The following C1orf185 variants were observed in gnomAD, a reference collection of about 807,000 sequenced individuals.
C1orf185 encodes chromosome 1 open reading frame 185, also known as uncharacterized protein C1orf185.
C1orf185 carries 13 observed loss-of-function variants against 16.1 expected under a neutral mutation model. The observed-to-expected ratio is 0.81, with a 90% CI of 0.53 to 1.28. C1orf185 has a LOEUF of 1.28. Among genes scored for constraint, C1orf185 ranks in the 50% most tolerant of loss-of-function variants. C1orf185 has a pLI of 0.00. For missense variants in C1orf185, 220 were observed against 225.2 expected (o/e 0.98, Z 0.15); for synonymous variants, 80 against 76.9 (o/e 1.04, Z -0.21).
At chr1:51,125,641 A>G (rs1383709528) in intron 3 of C1orf185, among the ~76,000 whole-genome samples, 2 of 152,178 alleles carry the variant, frequency 1.3e-5, no homozygotes, top group African/African-American at 2.4e-5. Flanking sequence ...ATAGAAACCA[A>G]TACTATGGCA....
chr1:51,118,516 T>A (rs986833445), intron 2 of C1orf185, 150 bp from the exon 3 acceptor site: 1 of 453,186 alleles, frequency 2.2e-6, no homozygotes, highest in African/African-American at 2.0e-5. Context: ...GTAGGGAGTA[T>A]GTAAATTGAC....
chr1:51,137,595 A>C (rs1326867472), intron 3 of C1orf185, among the ~76,000 whole-genome samples: 3 of 152,140 alleles, frequency 2.0e-5, no homozygotes, highest in African/African-American at 7.2e-5. Context: ...ACTCTTACAC[A>C]CTGTTATGGG....
intron 3 of C1orf185, among the ~76,000 whole-genome samples, chr1:51,133,968 G>C (rs188515280): frequency 1.8e-4 from 28 of 152,258 alleles, no homozygotes; most frequent in Admixed American, 2.0e-4. Flanking sequence ...TGTAATCCCA[G>C]CTACTCAGGA....
chr1:51,148,958 A>G (rs1283386970), downstream of C1orf185, among the ~76,000 whole-genome samples: 1 of 152,066 alleles, frequency 6.6e-6, no homozygotes, highest in African/African-American at 2.4e-5. Context: ...AATAATTTTC[A>G]TTTTCCTTTC....
intron 3 of C1orf185, among the ~76,000 whole-genome samples, chr1:51,127,634 A>G (rs1646251596): frequency 6.6e-6 from 1 of 152,022 alleles, no homozygotes; most frequent in Admixed American, 6.6e-5. Context: ...CCTAAATTAT[A>G]TATAAATTAA....
At chr1:51,121,234 T>G (rs1243410862) in intron 3 of C1orf185, among the ~76,000 whole-genome samples, 1 of 152,118 alleles carries the variant, frequency 6.6e-6, no homozygotes, top group Non-Finnish European at 1.5e-5. Flanking sequence ...AAATTTTGTA[T>G]CCTTTGACCA....
intron 2 of C1orf185, 113 bp downstream of exon 2, chr1:51,112,682 T>C: frequency 9.6e-7 from 1 of 1,041,102 alleles, no homozygotes; most frequent in Non-Finnish European, 1.3e-6. Flanking sequence ...TTGTTTAGTT[T>C]GGGATTTGGT....
At chr1:51,150,096 A>C (rs148792941), downstream of C1orf185, among the ~76,000 whole-genome samples, 543 of 152,284 alleles carry the variant, frequency 3.6e-3, 1 homozygote, top group Non-Finnish European at 4.4e-3. Context: ...TCAAAGCATC[A>C]TGCCTGACCA....
chr1:51,148,859 T>C (rs763043599), downstream of C1orf185, among the ~76,000 whole-genome samples: 1 of 152,134 alleles, frequency 6.6e-6, no homozygotes, highest in Non-Finnish European at 1.5e-5. Context: ...CCCTGAAGGT[T>C]GAGGCTGCAA....
At chr1:51,127,319 G>A (rs1006529743) in intron 3 of C1orf185, among the ~76,000 whole-genome samples, 7 of 150,860 alleles carry the variant, frequency 4.6e-5, no homozygotes, top group African/African-American at 9.8e-5. Context: ...ATGGAGTTTC[G>A]CTCTTGTCGC....
chr1:51,118,490 G>T (rs1646173709), intron 2 of C1orf185, among the ~76,000 whole-genome samples, 176 bp from the exon 3 acceptor site: 2 of 152,116 alleles, frequency 1.3e-5, no homozygotes, highest in South Asian at 4.1e-4. Flanking sequence ...TAGATGTAAT[G>T]AAATCTAACA....
intron 2 of C1orf185, among the ~76,000 whole-genome samples, chr1:51,114,800 CAT>C (rs1646146193): frequency 6.6e-6 from 1 of 152,198 alleles, no homozygotes; most frequent in Admixed American, 6.5e-5. Flanking sequence ...GTATAGTTTA[CAT>C]ACAAGAAACT....
At chr1:51,112,352 G>A in intron 1 of C1orf185, 112 bp from the exon 2 acceptor site, 2 of 810,320 alleles carry the variant, frequency 2.5e-6, no homozygotes, top group Admixed American at 3.1e-5. Context: ...CCAATCTCCT[G>A]GTTAATGTCT....
At chr1:51,127,881 C>CTTTTTT (rs1646253146) in intron 3 of C1orf185, among the ~76,000 whole-genome samples, 1 of 131,994 alleles carries the variant, frequency 7.6e-6, no homozygotes, top group African/African-American at 2.8e-5. Context: ...TTTTTCTTTT[C>CTTTTTT]TTTGTTTTTT....
chr1:51,139,384 A>C (rs758995965), intron 3 of C1orf185, among the ~76,000 whole-genome samples: 1 of 152,152 alleles, frequency 6.6e-6, no homozygotes, highest in South Asian at 2.1e-4. Context: ...AATTACAGAC[A>C]TGAGTTACTG....
At chr1:51,138,967 C>T (rs1425858483) in intron 3 of C1orf185, among the ~76,000 whole-genome samples, 2 of 152,102 alleles carry the variant, frequency 1.3e-5, no homozygotes, top group Non-Finnish European at 2.9e-5. Flanking sequence ...GGATTACAGG[C>T]ATGATCCACT....
At chr1:51,115,772 C>T (rs1390176457) in intron 2 of C1orf185, among the ~76,000 whole-genome samples, 1 of 152,078 alleles carries the variant, frequency 6.6e-6, no homozygotes. Flanking sequence ...AGTCTGGAGA[C>T]TATTGCAGAG....
intron 2 of C1orf185, among the ~76,000 whole-genome samples, chr1:51,115,195 G>A (rs1205042006): frequency 2.6e-5 from 4 of 151,978 alleles, no homozygotes; most frequent in East Asian, 3.9e-4. Context: ...AAAATTAATC[G>A]GGCATGGTCG....
At chr1:51,145,085 C>T (rs1267071631) in intron 3 of C1orf185, among the ~76,000 whole-genome samples, 1 of 152,108 alleles carries the variant, frequency 6.6e-6, no homozygotes, top group African/African-American at 2.4e-5. Context: ...ACTACTACAA[C>T]ACTATACTTC....
Sources: allele counts gnomAD v4.1 joint callset (sites outside exome capture counted in the v4.1 genomes callset), GRCh38; gene constraint gnomAD v4.1.1; transcripts MANE v1.5; gene names NCBI Gene and HGNC (gene_info 2026-07-23, HGNC 2026-07-21).